Variants in TBC1D23 observed in about 807,000 individuals in gnomAD.
TBC1D23 encodes the protein HCV non-structural protein 4A-transactivated protein 1.
In TBC1D23, 55 loss-of-function variants were observed where a neutral mutation model predicts 91.4. That is an observed-to-expected ratio of 0.60 (90% CI 0.48 to 0.75). The LOEUF is 0.75. TBC1D23 is among the 30% of genes least tolerant of loss of function. TBC1D23 has a pLI of 0.00. For missense variants in TBC1D23, 725 were observed against 836.1 expected, an observed-to-expected ratio of 0.87 and a Z score of 1.64; for synonymous variants, 289 against 281.0, an observed-to-expected ratio of 1.03 and a Z score of -0.28.
At chr3:100,319,298 G>A (rs1385440959) in intron 17 of TBC1D23, 94 bp downstream of exon 17, 15 of 1,003,698 alleles carry the variant, frequency 1.5e-5, no homozygotes, top group Non-Finnish European at 6.1e-6. Flanking sequence ...ATTTATCCTA[G>A]TACAATAAGA....
intron 13 of TBC1D23, among the ~76,000 whole-genome samples, chr3:100,309,898 C>T (rs371637566): frequency 3.3e-5 from 5 of 152,106 alleles, no homozygotes; most frequent in Admixed American, 2.0e-4. Flanking sequence ...CGTGAGCCAC[C>T]GCGCCCAGCA....
chr3:100,295,569 C>A (rs1430902547), intron 7 of TBC1D23, among the ~76,000 whole-genome samples: 1 of 152,148 alleles, frequency 6.6e-6, no homozygotes, highest in African/African-American at 2.4e-5. Flanking sequence ...CTCTTTCATT[C>A]CTTTCCATAT....
chr3:100,286,501 C>CT (rs11370481), intron 4 of TBC1D23, among the ~76,000 whole-genome samples: 1,668 of 146,368 alleles, frequency 0.011, 15 homozygotes, highest in African/African-American at 0.02. Context: ...AACATATCTT[C>CT]TTTTTTTTTT....
intron 10 of TBC1D23, among the ~76,000 whole-genome samples, chr3:100,301,521 T>C (rs1002596028): frequency 6.6e-6 from 1 of 152,252 alleles, no homozygotes; most frequent in African/African-American, 2.4e-5. Context: ...ATACTTTTTG[T>C]GTATCTCCAT....
intron 1 of TBC1D23, among the ~76,000 whole-genome samples, chr3:100,271,590 G>T (rs2067599890): frequency 6.6e-6 from 1 of 152,168 alleles, no homozygotes; most frequent in African/African-American, 2.4e-5. Flanking sequence ...GGAATAATAA[G>T]TTGCTTATGT....
chr3:100,261,157 C>T (rs1244852699), intron 1 of TBC1D23, 86 bp downstream of exon 1: 2 of 1,355,734 alleles, frequency 1.5e-6, no homozygotes, highest in African/African-American at 1.4e-5. Context: ...CGTCTGGCGT[C>T]GGCATGGAAC....
chr3:100,270,550 TTAAG>T (rs751875034), intron 1 of TBC1D23, among the ~76,000 whole-genome samples: 2 of 152,098 alleles, frequency 1.3e-5, no homozygotes, highest in African/African-American at 4.8e-5. Flanking sequence ...ATAGGACCCT[TTAAG>T]TAAGTAAATG....
At chr3:100,301,349 A>G (rs1705426325) in intron 10 of TBC1D23, among the ~76,000 whole-genome samples, 1 of 151,850 alleles carries the variant, frequency 6.6e-6, no homozygotes, top group Non-Finnish European at 1.5e-5. Flanking sequence ...GCATTATTGG[A>G]TATTATCAAT....
Position 100,319,127 on chromosome 3 carries a change from G to T in TBC1D23, c.1746G>T (p.Gln582His), listed in dbSNP as rs1163122420. 4.4e-6 allele frequency: 7 copies of T among 1,604,426 alleles called. No homozygotes were observed. Among genetic ancestry groups the T allele is most frequent in the South Asian group, 1.1e-5 (1 of 89,866 alleles). The change falls in exon 17 of 19, where the codon CAG (glutamine) becomes CAT (histidine). Residue 582 changes from glutamine to histidine, a missense_variant. By Grantham distance (24) the Gln-to-His change is conservative. Coordinates refer to ENST00000394144, the MANE Select transcript of TBC1D23 (RefSeq NM_001199198.3). The stretch of plus-strand genomic sequence containing the variant: ...ATAGAAAAGAGGTTGTAAACATTCA[G>T]ACTTGGATAAACAAACCAGATGTCA... Reference protein sequence around the residue: ...DDDRKEVVNIQTWINKPDVKH... With the variant: ...DDDRKEVVNIHTWINKPDVKH...
intron 1 of TBC1D23, among the ~76,000 whole-genome samples, chr3:100,261,886 G>C (rs116540481): frequency 1.3e-3 from 191 of 152,254 alleles, no homozygotes; most frequent in African/African-American, 4.3e-3. Context: ...ACCTTTAGAG[G>C]CTTGTCTAAA....
At chr3:100,306,764 G>A (rs1166662807) in intron 13 of TBC1D23, among the ~76,000 whole-genome samples, 1 of 142,104 alleles carries the variant, frequency 7.0e-6, no homozygotes, top group Non-Finnish European at 1.5e-5. Flanking sequence ...AACTAGGTGG[G>A]AGCTCTTGAA....
At chr3:100,316,452 T>G (rs548330700) in intron 16 of TBC1D23, among the ~76,000 whole-genome samples, 1 of 151,966 alleles carries the variant, frequency 6.6e-6, no homozygotes, top group South Asian at 2.1e-4. Flanking sequence ...ACTTAAAGTA[T>G]AATAATAATA....
intron 1 of TBC1D23, among the ~76,000 whole-genome samples, chr3:100,269,578 T>A (rs1437862158): frequency 6.6e-6 from 1 of 152,222 alleles, no homozygotes; most frequent in East Asian, 1.9e-4. Flanking sequence ...TAAAAATAAG[T>A]TGCACAAGAC....
At chr3:100,320,014 AGT>A (rs1185781741) in intron 17 of TBC1D23, among the ~76,000 whole-genome samples, 1 of 152,018 alleles carries the variant, frequency 6.6e-6, no homozygotes, top group African/African-American at 2.4e-5. Flanking sequence ...TATCTTTTGT[AGT>A]GTGTTTTTTC....
chr3:100,287,828 A>T (rs981613472), intron 4 of TBC1D23, among the ~76,000 whole-genome samples: 2 of 151,812 alleles, frequency 1.3e-5, no homozygotes, highest in African/African-American at 4.8e-5. Context: ...TATGTTGTCT[A>T]GGCTGGTCTT....
intron 3 of TBC1D23, among the ~76,000 whole-genome samples, chr3:100,282,100 C>T (rs770657458): frequency 4.8e-4 from 73 of 152,202 alleles, no homozygotes; most frequent in Non-Finnish European, 9.4e-4. Flanking sequence ...CACTTGAGGT[C>T]AAGAGTTCAA....
At chr3:100,311,536 G>A (rs999102953) in intron 14 of TBC1D23, among the ~76,000 whole-genome samples, 1 of 152,132 alleles carries the variant, frequency 6.6e-6, no homozygotes, top group African/African-American at 2.4e-5. Flanking sequence ...TTTTGTTGGT[G>A]CTTCTGAGTT....
chr3:100,304,431 A>G (rs1243239821), intron 11 of TBC1D23, among the ~76,000 whole-genome samples: 1 of 152,076 alleles, frequency 6.6e-6, no homozygotes, highest in Non-Finnish European at 1.5e-5. Context: ...GCAAAATGGT[A>G]ACATTCCCTT....
chr3:100,301,092 TA>T (rs1705418892), intron 10 of TBC1D23, among the ~76,000 whole-genome samples: 1 of 152,192 alleles, frequency 6.6e-6, no homozygotes, highest in African/African-American at 2.4e-5. Context: ...AATATTTCTG[TA>T]AAATAGATTC....
Sources: allele counts gnomAD v4.1 joint callset (sites outside exome capture counted in the v4.1 genomes callset), GRCh38; gene constraint gnomAD v4.1.1; transcripts MANE v1.5; gene names NCBI Gene and HGNC (gene_info 2026-07-23, HGNC 2026-07-21).